LAMA3: variants seen among roughly 807,000 people sequenced by gnomAD.
The protein encoded by LAMA3 is laminin subunit alpha 3.
LAMA3 carries 281 observed loss-of-function variants against 402.0 expected under a neutral mutation model. The observed-to-expected ratio is 0.70, with a 90% CI of 0.63 to 0.77. LAMA3 has a LOEUF of 0.77. Ranked by LOEUF, LAMA3 falls within the 30% of genes least tolerant of loss-of-function variation. The probability of loss-of-function intolerance (pLI) is 0.00; values close to 1 mark genes in which losing one functional copy is unlikely to be tolerated. For synonymous variants in LAMA3, 1,431 were observed against 1,558.4 expected (o/e 0.92, Z 1.93); for missense variants, 3,840 against 4,215.5 (o/e 0.91, Z 2.47).
At chr18:23,826,616 A>G (rs535230685) in intron 21 of LAMA3, 86 bp from the exon 22 acceptor site, 3 of 994,142 alleles carry the variant, frequency 3.0e-6, no homozygotes, top group Admixed American at 2.0e-5. Flanking sequence ...GTTATTATTG[A>G]TTTAACTAGT....
chr18:23,858,620 C>CA (rs2064141077), intron 33 of LAMA3, 69 bp from the exon 34 acceptor site: 5 of 1,417,736 alleles, frequency 3.5e-6, no homozygotes, highest in South Asian at 3.5e-5. Context: ...TTAATTTGTG[C>CA]AAGTAGCTAA....
At chr18:23,730,425 A>G (rs2061374053) in intron 2 of LAMA3, among the ~76,000 whole-genome samples, 1 of 141,832 alleles carries the variant, frequency 7.1e-6, no homozygotes, top group African/African-American at 2.6e-5. Context: ...CTGGAGTGCA[A>G]TGTGCAATCT....
chr18:23,823,716 G>T (rs2144417685), intron 20 of LAMA3, among the ~76,000 whole-genome samples: 1 of 152,278 alleles, frequency 6.6e-6, no homozygotes, highest in South Asian at 2.1e-4. Context: ...ATTTGGAGAA[G>T]ATAATTCTTT....
At chr18:23,822,805 C>T (rs545711966) in intron 20 of LAMA3, among the ~76,000 whole-genome samples, 1 of 152,278 alleles carries the variant, frequency 6.6e-6, no homozygotes, top group South Asian at 2.1e-4. Flanking sequence ...GGGAATTTTT[C>T]CTATGAATGC....
At chr18:23,709,167 C>G (rs1376903804) in intron 1 of LAMA3, among the ~76,000 whole-genome samples, 2 of 151,916 alleles carry the variant, frequency 1.3e-5, no homozygotes, top group Non-Finnish European at 2.9e-5. Flanking sequence ...GCCTCCTGGA[C>G]TCAAGCGATC....
In LAMA3 at chr18:23,714,034, C is replaced by T; in HGVS notation, c.409C>T (p.Gln137Ter). Residue 137 changes from glutamine (Q) to a stop codon, truncating the protein, a stop_gained, in exon 2 of 75, where the codon CAG (glutamine) becomes TAG (stop). Transcript: ENST00000313654. LOFTEE classifies it high-confidence loss of function. ...AAGCCCTCCCCTGTCCTCAGGCACA[C>T]AGTACAACAGAGTCAACCTCACCTT... is the stretch of plus-strand genomic sequence containing the variant. ...WQSPPLSSGT[Q>*]YNRVNLTLDL... The T allele has an allele frequency of 1.2e-6, 2 of 1,613,914 alleles. No individual in the cohort carries two copies. The highest frequency in any genetic ancestry group is 1.7e-6 in the Non-Finnish European group (2 of 1,179,970).
At chr18:23,919,009 A>G (rs1240045717) in intron 60 of LAMA3, among the ~76,000 whole-genome samples, 1 of 152,236 alleles carries the variant, frequency 6.6e-6, no homozygotes, top group Admixed American at 6.5e-5. Flanking sequence ...TTACAAAACA[A>G]GGTCTTCTTT....
Position 23,773,543 on chromosome 18 carries a change from A to G in LAMA3, c.1229A>G (p.Tyr410Cys). 1 of 1,599,378 alleles carries G rather than the reference A, an allele frequency of 6.3e-7. No homozygotes were observed. The highest frequency in any genetic ancestry group is 8.5e-7 in the Non-Finnish European group (1 of 1,171,100). ...TGTGAACAGTGTGCTAAGGGCTATT[A>G]CCGCCCTTATGGGGTTCCAGTGGAT... ...VNCEQCAKGY[Y>C]RPYGVPVDAP... The change falls in exon 9 of 75, where the codon TAC becomes TGC. Residue 410 changes from tyrosine (Y) to cysteine (C), a missense_variant. Around this residue, in one of 3 missense-constraint regions of LAMA3, gnomAD observed 2,109 missense variants for 2,376.0 expected, o/e 0.89. Coordinates refer to ENST00000313654, the MANE Select transcript of LAMA3 (RefSeq NM_198129.4).
rs869070247 is a variant in LAMA3, at chr18:23,916,865, C to CT, written c.7923+185dup. ...TACTTTCTGTTGGCTGGGAAATGTA[C>CT]TTTTTTTTTTTTTTTAACATTTTTA... On this transcript the variant is annotated intron_variant, in intron 60 of 74. Transcript: ENST00000313654. Among the ~76,000 whole-genome samples, 914 of 139,136 alleles carry CT rather than the reference C, an allele frequency of 6.6e-3. 7 individuals are homozygous for CT. The highest frequency in any genetic ancestry group is 0.016 in the African/African-American group (620 of 37,782). The allele number at this position is 139,136 out of a possible 152,430, so 91.3% of individuals were successfully genotyped here.
At chr18:23,886,156 T>C (rs918361990) in intron 41 of LAMA3, among the ~76,000 whole-genome samples, 10 of 152,224 alleles carry the variant, frequency 6.6e-5, no homozygotes, top group African/African-American at 2.2e-4. Flanking sequence ...CAGCTTAATA[T>C]TTGTGTATGC....
intron 55 of LAMA3, among the ~76,000 whole-genome samples, chr18:23,911,754 AT>A (rs1288357561): frequency 6.8e-6 from 1 of 147,874 alleles, no homozygotes; most frequent in Non-Finnish European, 1.5e-5. Flanking sequence ...TGCATTTAAA[AT>A]ATTTTAATAT....
chr18:23,921,024 A>T lies in LAMA3; in HGVS notation c.8013A>T (p.Gly2671=). 1.2e-6 allele frequency: 2 copies of T among 1,614,116 alleles called. No individual in the cohort carries two copies. Among genetic ancestry groups the T allele is most frequent in the Non-Finnish European group, 8.5e-7 (1 of 1,179,988 alleles). The change falls in exon 61 of 75, where the codon GGA becomes GGT. Residue 2671 remains glycine, a synonymous_variant. Transcript: ENST00000313654. ...NSELPKERGV[G]DAINNGRDHS... ...AGCTACCAAAAGAGAGAGGAGTTGGAGACGCCATAAACAACGGCAGAGACC... is the reference window on the plus strand; with the variant it reads ...AGCTACCAAAAGAGAGAGGAGTTGGTGACGCCATAAACAACGGCAGAGACC...
At chr18:23,790,120 T>G (rs555849003) in intron 12 of LAMA3, among the ~76,000 whole-genome samples, 1 of 152,200 alleles carries the variant, frequency 6.6e-6, no homozygotes, top group African/African-American at 2.4e-5. Flanking sequence ...ATTTCTTTAC[T>G]CTCAGCCTGG....
intron 1 of LAMA3, among the ~76,000 whole-genome samples, chr18:23,698,626 G>A (rs1258400802): frequency 6.6e-6 from 1 of 152,220 alleles, no homozygotes; most frequent in Non-Finnish European, 1.5e-5. Flanking sequence ...AACAGAGGCT[G>A]GAAGACTGAC....
chr18:23,812,531 T>C (rs2063094152), intron 13 of LAMA3, among the ~76,000 whole-genome samples: 1 of 152,232 alleles, frequency 6.6e-6, no homozygotes, highest in Non-Finnish European at 1.5e-5. Context: ...ATTGTAATAC[T>C]GAAACATTGC....
intron 73 of LAMA3, 27 bp downstream of exon 73, chr18:23,951,804 A>T: frequency 6.5e-7 from 1 of 1,545,946 alleles, no homozygotes; most frequent in Non-Finnish European, 8.9e-7. Flanking sequence ...CTGATTGTTC[A>T]TGCACTAAAA....
chr18:23,695,087 T>G (rs558171266), intron 1 of LAMA3, among the ~76,000 whole-genome samples: 5 of 152,346 alleles, frequency 3.3e-5, no homozygotes, highest in African/African-American at 1.2e-4. Context: ...CTGTGTCTGA[T>G]GCAGTGGCTG....
chr18:23,864,622 G>C (rs61273911), intron 35 of LAMA3, among the ~76,000 whole-genome samples, 163 bp from the exon 36 acceptor site: 1 of 152,074 alleles, frequency 6.6e-6, no homozygotes, highest in African/African-American at 2.4e-5. Flanking sequence ...GCATAAAGTA[G>C]AAAAAATACC....
chr18:23,796,361 G>C (rs2062763457), intron 12 of LAMA3, among the ~76,000 whole-genome samples: 1 of 152,176 alleles, frequency 6.6e-6, no homozygotes, highest in Admixed American at 6.5e-5. Flanking sequence ...AGAACTAGAA[G>C]TGGGGTCAAC....
Sources: allele counts gnomAD v4.1 joint callset (sites outside exome capture counted in the v4.1 genomes callset), GRCh38; gene constraint gnomAD v4.1.1; regional missense constraint gnomAD v4.1.1; transcripts MANE v1.5; gene names NCBI Gene and HGNC (gene_info 2026-07-23, HGNC 2026-07-21).